Variants in PCDHA6 observed in about 807,000 individuals in gnomAD.
The protein encoded by PCDHA6 is protocadherin alpha 6.
PCDHA6 carries 55 observed loss-of-function variants against 60.3 expected under a neutral mutation model. That is an observed-to-expected ratio of 0.91 (90% CI 0.73 to 1.14). PCDHA6 has a LOEUF of 1.14. Among genes scored for constraint, PCDHA6 ranks in the 50% most tolerant of loss-of-function variants. The pLI is 0.00. For synonymous variants in PCDHA6, 652 were observed against 557.9 expected (o/e 1.17, Z -2.38); for missense variants, 1,327 against 1,256.5 (o/e 1.06, Z -0.85).
At chr5:140,944,617 G>A (rs374007868) in intron 1 of PCDHA6, among the ~76,000 whole-genome samples, 6 of 152,192 alleles carry the variant, frequency 3.9e-5, no homozygotes, top group African/African-American at 1.4e-4. Flanking sequence ...TGCTGTAGAA[G>A]TATAGTGTTG....
chr5:140,938,477 A>T (rs2092083791), intron 1 of PCDHA6, among the ~76,000 whole-genome samples: 1 of 152,178 alleles, frequency 6.6e-6, no homozygotes, highest in Non-Finnish European at 1.5e-5. Flanking sequence ...TATGTTTTTT[A>T]AAAATCATGA....
intron 3 of PCDHA6, among the ~76,000 whole-genome samples, chr5:140,985,428 T>C (rs782337868): frequency 2.0e-5 from 3 of 152,192 alleles, no homozygotes; most frequent in Non-Finnish European, 4.4e-5. Context: ...GGAGGATTTA[T>C]TAGTTGCTGC....
At chr5:141,005,520 G>A (rs34458028) in intron 3 of PCDHA6, among the ~76,000 whole-genome samples, 7,602 of 151,238 alleles carry the variant, frequency 0.05, 239 homozygotes, top group South Asian at 0.11. Flanking sequence ...TGGCTAACAC[G>A]GTGAAACCCC....
At chr5:140,970,562 A>G (rs1406680335) in intron 1 of PCDHA6, among the ~76,000 whole-genome samples, 1 of 152,156 alleles carries the variant, frequency 6.6e-6, no homozygotes, top group African/African-American at 2.4e-5. Flanking sequence ...TCGTCTCCAT[A>G]TGTATGCTTG....
At chr5:140,993,198 A>C (rs1554253472) in intron 3 of PCDHA6, among the ~76,000 whole-genome samples, 1 of 151,946 alleles carries the variant, frequency 6.6e-6, no homozygotes, top group African/African-American at 2.4e-5. Context: ...AACTCACTAA[A>C]GCTAATTTTT....
chr5:140,844,211 T>C (rs1162021656), intron 1 of PCDHA6, among the ~76,000 whole-genome samples: 1 of 149,836 alleles, frequency 6.7e-6, no homozygotes, highest in African/African-American at 2.4e-5. Flanking sequence ...TGTCTGGTAG[T>C]CACAAATATC....
intron 1 of PCDHA6, chr5:140,884,138 G>T (rs782798249): frequency 6.2e-7 from 1 of 1,613,410 alleles, no homozygotes; most frequent in Admixed American, 1.7e-5. Context: ...CCCGTTCCGC[G>T]TGGGGCTGTA....
chr5:140,827,969 T>A lies in PCDHA6; in HGVS notation c.-123T>A. On this transcript the variant is annotated 5_prime_UTR_variant, in exon 1 of 4. Coordinates refer to ENST00000529310, the MANE Select transcript of PCDHA6 (RefSeq NM_018909.4). ...CATTCAAATTTCTTCTATTACTGCATCATTCCCTGACTGTTGAATGATGGC... is the reference window on the plus strand; with the variant it reads ...CATTCAAATTTCTTCTATTACTGCAACATTCCCTGACTGTTGAATGATGGC... 7.3e-7 allele frequency: 1 copy of A among 1,373,188 alleles called. No individual in the cohort carries two copies. Among genetic ancestry groups the A allele is most frequent in the East Asian group, 2.3e-5 (1 of 43,370 alleles). 85.1% of individuals were successfully genotyped at this position (1,373,188 alleles called of 1,614,324 possible).
chr5:140,980,294 A>G (rs1325974235), intron 2 of PCDHA6, among the ~76,000 whole-genome samples: 1 of 152,234 alleles, frequency 6.6e-6, no homozygotes, highest in Non-Finnish European at 1.5e-5. Context: ...TACCAAAGCT[A>G]TGAGTTGTGC....
At chr5:140,849,606 C>A (rs2150442387) in intron 1 of PCDHA6, 1 of 1,598,692 alleles carries the variant, frequency 6.3e-7, no homozygotes, top group East Asian at 2.2e-5. Context: ...AGTTATTGCC[C>A]TGATTAGTGT....
chr5:140,878,468 A>G (rs2057603759), intron 1 of PCDHA6, among the ~76,000 whole-genome samples: 1 of 152,188 alleles, frequency 6.6e-6, no homozygotes, highest in Non-Finnish European at 1.5e-5. Flanking sequence ...TAATAAAATC[A>G]TTTCTCAATT....
At chr5:140,840,562 G>C (rs1776767588) in intron 1 of PCDHA6, among the ~76,000 whole-genome samples, 1 of 152,076 alleles carries the variant, frequency 6.6e-6, no homozygotes, top group South Asian at 2.1e-4. Context: ...TACTGCTAGA[G>C]TTTGGCATGT....
At position 140,852,782 on chromosome 5, in the gene PCDHA6, A is replaced by T. The variant is rs2042471437; in HGVS notation, c.2394+22297A>T. ...GTATCTGATTATTTGATGTGAATAG[A>T]GGGATGCTACAGATGTCATTTGTCT... On this transcript the variant is annotated intron_variant, in intron 1 of 3. Transcript: ENST00000529310. 4 of 979,406 alleles carry T rather than the reference A, an allele frequency of 4.1e-6. No homozygotes were observed. In the South Asian group the frequency reaches 1.9e-4, roughly 47 times the overall value. 60.7% of individuals were successfully genotyped at this position (979,406 alleles called of 1,614,324 possible). A position where few individuals can be genotyped will look rare whatever the true frequency, so the allele number is the denominator to read the frequency against.
chr5:141,000,776 G>A (rs1455881211), intron 3 of PCDHA6, among the ~76,000 whole-genome samples: 1 of 151,562 alleles, frequency 6.6e-6, no homozygotes, highest in Non-Finnish European at 1.5e-5. Context: ...GCATAGTGGC[G>A]CACACCTGTA....
At chr5:140,966,539 T>C in intron 1 of PCDHA6, 1 of 462,182 alleles carries the variant, frequency 2.2e-6, no homozygotes, top group South Asian at 5.8e-5. Flanking sequence ...GTTGAGCGAC[T>C]CGGAGGCGAG....
chr5:140,959,842 C>G (rs1219308136), intron 1 of PCDHA6, among the ~76,000 whole-genome samples: 2 of 152,118 alleles, frequency 1.3e-5, no homozygotes, highest in African/African-American at 4.8e-5. Context: ...ATGCCTGTAA[C>G]TGCTAAAGGA....
At chr5:140,882,069 G>T in intron 1 of PCDHA6, 1 of 844,446 alleles carries the variant, frequency 1.2e-6, no homozygotes, top group Non-Finnish European at 1.8e-6. Flanking sequence ...ACGTTCATGC[G>T]CATGGTGTCG....
chr5:140,850,641 C>G lies in PCDHA6; in HGVS notation c.2394+20156C>G, dbSNP rs2041729917. 1.9e-6 allele frequency: 3 copies of G among 1,598,540 alleles called. No homozygotes were observed. Among genetic ancestry groups the G allele is most frequent in the African/African-American group, 1.3e-5 (1 of 74,394 alleles). On this transcript the variant is annotated intron_variant, in intron 1 of 3. Coordinates refer to ENST00000529310, the MANE Select transcript of PCDHA6 (RefSeq NM_018909.4). ...GTCTAGCCTGTTGGTTCTCACGCTG[C>G]TGCTGTACACTGTGCTGCGGTGCTC...
intron 1 of PCDHA6, chr5:140,830,827 A>G (rs1334239168): frequency 6.4e-6 from 1 of 155,422 alleles, no homozygotes; most frequent in African/African-American, 2.4e-5. Context: ...TTTGAGCTTT[A>G]GGATAATTTT....
Sources: allele counts gnomAD v4.1 joint callset (sites outside exome capture counted in the v4.1 genomes callset), GRCh38; gene constraint gnomAD v4.1.1; transcripts MANE v1.5; gene names NCBI Gene and HGNC (gene_info 2026-07-23, HGNC 2026-07-21).